Variants in CDYL observed in about 807,000 individuals in gnomAD.
CDYL encodes the protein chromodomain Y like, also known as chromodomain Y-like protein.
Under a neutral mutation model 47.3 loss-of-function variants are expected in CDYL, and 8 were observed. The observed-to-expected ratio is 0.17, with a 90% CI of 0.10 to 0.31. The LOEUF is 0.31. Ranked by LOEUF, CDYL falls within the 10% of genes least tolerant of loss-of-function variation. CDYL has a pLI of 1.00. For synonymous variants in CDYL, 266 were observed against 265.0 expected, an observed-to-expected ratio of 1.00 and a Z score of -0.04; for missense variants, 471 against 701.4, an observed-to-expected ratio of 0.67 and a Z score of 3.71.
intron 1 of CDYL, among the ~76,000 whole-genome samples, chr6:4,829,255 A>G (rs989358888): frequency 2.0e-5 from 3 of 152,038 alleles, no homozygotes; most frequent in African/African-American, 7.2e-5. Flanking sequence ...TTGTTGTTGA[A>G]GGCTAGAATT....
chr6:4,863,639 C>A (rs1211875684), intron 1 of CDYL, among the ~76,000 whole-genome samples: 1 of 152,098 alleles, frequency 6.6e-6, no homozygotes, highest in Non-Finnish European at 1.5e-5. Flanking sequence ...AAGAGTTGCT[C>A]CTAGAAAGCC....
At chr6:4,815,215 G>A (rs1759638032) in intron 1 of CDYL, among the ~76,000 whole-genome samples, 1 of 152,170 alleles carries the variant, frequency 6.6e-6, no homozygotes, top group Admixed American at 6.5e-5. Context: ...GAATATGTAT[G>A]TATGTGTATA....
chr6:4,910,015 A>G (rs1372197865), intron 2 of CDYL, among the ~76,000 whole-genome samples: 1 of 145,626 alleles, frequency 6.9e-6, no homozygotes. Context: ...GTATTCATAT[A>G]TATACATATA....
Position 4,758,921 on chromosome 6 carries a change from A to G in CDYL, c.186+24077A>G, listed in dbSNP as rs1582316979. On this transcript the variant is annotated intron_variant, in intron 3 of 8. Coordinates refer to the CDYL transcript ENST00000328908. ...GAAAGAATAAACAGACATAGAGTGA[A>G]GAGGCTCTTTCTGATCTTTCTACCT... Among the ~76,000 whole-genome samples, 2 of 149,694 alleles carry G rather than the reference A, an allele frequency of 1.3e-5. 1 individual carries two copies. The highest frequency in any genetic ancestry group is 3.0e-5 in the Non-Finnish European group (2 of 67,296).
At chr6:4,921,867 C>T (rs13202215) in intron 2 of CDYL, among the ~76,000 whole-genome samples, 7,329 of 152,158 alleles carry the variant, frequency 0.048, 292 homozygotes, top group African/African-American at 0.11. Flanking sequence ...ACTTGAGAGT[C>T]AGTTAGAATC....
At position 4,723,766 on chromosome 6, in the gene CDYL, C is replaced by T. The variant is rs188880153; in HGVS notation, c.103+7885C>T. Among the ~76,000 whole-genome samples the T allele has an allele frequency of 5.3e-5, 8 of 152,322 alleles. No individual in the cohort carries two copies. The East Asian group carries it at 1.5e-3, about 29-fold the overall frequency. ...ACACAAACAACACATAAGCCTGGCCCCTGCTCTTGGCAACTTAAAAATCTA... is the reference window on the plus strand; with the variant it reads ...ACACAAACAACACATAAGCCTGGCCTCTGCTCTTGGCAACTTAAAAATCTA... On this transcript the variant is annotated intron_variant, in intron 2 of 8. Coordinates refer to the CDYL transcript ENST00000328908.
intron 4 of CDYL, among the ~76,000 whole-genome samples, chr6:4,942,829 T>C (rs1296074704): frequency 6.6e-6 from 1 of 152,206 alleles, no homozygotes; most frequent in East Asian, 1.9e-4. Context: ...TCCTCCGAAC[T>C]CCTGCTGCAG....
intron 1 of CDYL, among the ~76,000 whole-genome samples, chr6:4,822,290 T>G (rs1007046763): frequency 6.6e-6 from 1 of 152,158 alleles, no homozygotes; most frequent in Non-Finnish European, 1.5e-5. Flanking sequence ...TGAGCCACTG[T>G]GCCCGGCAAA....
At position 4,943,769 on chromosome 6, in the gene CDYL, TTA is replaced by T. The variant is rs1561723010; in HGVS notation, c.1332+14_1332+15del. On this transcript the variant is annotated intron_variant, in intron 5 of 6. Coordinates refer to ENST00000397588, the MANE Select transcript of CDYL (RefSeq NM_004824.4). ...GGGAGGAGCATCTGTGAGTACCTTT[TTA>T]AAAAAAAAAAAAAAAAGTCATTCTA... 5.4e-5 allele frequency: 65 copies of T among 1,210,464 alleles called. No individual in the cohort carries two copies. The highest frequency in any genetic ancestry group is 1.0e-4 in the South Asian group (7 of 68,412). 75.0% of individuals were successfully genotyped at this position (1,210,464 alleles called of 1,614,324 possible).
intron 2 of CDYL, among the ~76,000 whole-genome samples, chr6:4,913,846 C>T (rs768233967): frequency 6.6e-6 from 1 of 152,262 alleles, no homozygotes; most frequent in Non-Finnish European, 1.5e-5. Context: ...ACTTTATTCA[C>T]AAAAACAGGA....
At chr6:4,836,302 C>T (rs540374860) in intron 1 of CDYL, 1 of 977,558 alleles carries the variant, frequency 1.0e-6, no homozygotes, top group East Asian at 1.1e-4. Flanking sequence ...TTGCATAGAA[C>T]CAAAAAGTGA....
At chr6:4,819,226 T>C (rs996000254) in intron 1 of CDYL, among the ~76,000 whole-genome samples, 6 of 151,796 alleles carry the variant, frequency 4.0e-5, no homozygotes, top group Non-Finnish European at 7.4e-5. Context: ...AGGGATGTTA[T>C]TTATGTGCAT....
intron 1 of CDYL, among the ~76,000 whole-genome samples, chr6:4,715,237 G>A (rs1242548699): frequency 6.6e-6 from 1 of 152,134 alleles, no homozygotes; most frequent in Non-Finnish European, 1.5e-5. Context: ...TTTTGTATAA[G>A]ACGTCAGTTA....
chr6:4,818,967 T>C (rs1759747715), intron 1 of CDYL, among the ~76,000 whole-genome samples: 1 of 152,196 alleles, frequency 6.6e-6, no homozygotes, highest in South Asian at 2.1e-4. Flanking sequence ...GTGTCACTGC[T>C]ATCCTCTCTG....
chr6:4,749,566 CTG>C, intron 3 of CDYL, among the ~76,000 whole-genome samples: 1 of 152,316 alleles, frequency 6.6e-6, no homozygotes, highest in East Asian at 1.9e-4. Flanking sequence ...ATTGAATAGA[CTG>C]TTTCAATGTT....
chr6:4,756,580 ATGTGTGTGTGTG>A (rs4053260), intron 3 of CDYL, among the ~76,000 whole-genome samples: 7 of 142,812 alleles, frequency 4.9e-5, no homozygotes, highest in Non-Finnish European at 3.1e-5. Flanking sequence ...TATCGTGTGT[ATGTGTGTGTGTG>A]TGTGTGTGTG....
intron 1 of CDYL, among the ~76,000 whole-genome samples, chr6:4,843,937 C>G (rs1561665650): frequency 6.6e-6 from 1 of 152,080 alleles, no homozygotes; most frequent in Non-Finnish European, 1.5e-5. Context: ...TTTTCTGGTT[C>G]TTTCTCATTT....
intron 1 of CDYL, among the ~76,000 whole-genome samples, chr6:4,857,131 T>C (rs562673153): frequency 2.6e-5 from 4 of 152,348 alleles, no homozygotes; most frequent in South Asian, 4.1e-4. Flanking sequence ...ATTGTAAAAA[T>C]TGAGTTTTTT....
intron 1 of CDYL, among the ~76,000 whole-genome samples, chr6:4,830,729 A>C (rs1323893632): frequency 1.3e-5 from 2 of 148,708 alleles, no homozygotes; most frequent in Non-Finnish European, 3.0e-5. Flanking sequence ...CATTAGGTAT[A>C]TCTCCCAATG....
Sources: allele counts gnomAD v4.1 joint callset (sites outside exome capture counted in the v4.1 genomes callset), GRCh38; gene constraint gnomAD v4.1.1; transcripts MANE v1.5; gene names NCBI Gene and HGNC (gene_info 2026-07-23, HGNC 2026-07-21).